FANCL: variants seen among roughly 807,000 people sequenced by gnomAD.
The protein encoded by FANCL is FA complementation group L.
Under a neutral mutation model 59.4 loss-of-function variants are expected in FANCL, and 69 were observed. The ratio of observed to expected loss-of-function variants is 1.16; its 90% confidence interval spans 0.96 to 1.42. The LOEUF is 1.42. FANCL is among the 40% of genes most tolerant of loss of function. The probability of loss-of-function intolerance (pLI) is 0.00; values close to 1 mark genes in which losing one functional copy is unlikely to be tolerated. For synonymous variants in FANCL, 180 were observed against 147.1 expected, an observed-to-expected ratio of 1.22 and a Z score of -1.62; for missense variants, 519 against 447.2, an observed-to-expected ratio of 1.16 and a Z score of -1.45.
At chr2:58,175,999 A>G (rs2104913532) in intron 7 of FANCL, among the ~76,000 whole-genome samples, 1 of 152,330 alleles carries the variant, frequency 6.6e-6, no homozygotes, top group South Asian at 2.1e-4. Flanking sequence ...ACAGACAAAC[A>G]GCCAAATCAT....
At chr2:58,173,840 G>C (rs1455862379) in intron 7 of FANCL, among the ~76,000 whole-genome samples, 1 of 152,002 alleles carries the variant, frequency 6.6e-6, no homozygotes, top group East Asian at 1.9e-4. Context: ...ACATAGACTG[G>C]CTAATTGGAT....
chr2:58,232,545 T>C (rs1693681850), intron 1 of FANCL, among the ~76,000 whole-genome samples: 1 of 152,096 alleles, frequency 6.6e-6, no homozygotes, highest in African/African-American at 2.4e-5. Flanking sequence ...ATAGTCGTTT[T>C]CAGCTTACTT....
rs368384315 is a variant in FANCL, at chr2:58,241,178, A to G, written c.96+40T>C. The G allele has an allele frequency of 6.9e-5, 111 of 1,602,486 alleles. 1 individual carries two copies. Among genetic ancestry groups the G allele is most frequent in the South Asian group, 4.0e-4 (36 of 90,798 alleles). On this transcript the variant is annotated intron_variant, in intron 1 of 13. Transcript: ENST00000233741. Reference sequence around the variant, plus strand: ...GACTTCTCCGCGCAGCTACGCTGCAAGAGGCTCTCTTAGCTAGAAAGCAAC... The same window carrying G: ...GACTTCTCCGCGCAGCTACGCTGCAGGAGGCTCTCTTAGCTAGAAAGCAAC...
chr2:58,180,860 G>T (rs368838149), intron 7 of FANCL, among the ~76,000 whole-genome samples: 1 of 151,700 alleles, frequency 6.6e-6, no homozygotes, highest in Non-Finnish European at 1.5e-5. Flanking sequence ...AAAAGAAATC[G>T]AAACTTTTCA....
chr2:58,188,916 A>G (rs2105024177), intron 7 of FANCL, among the ~76,000 whole-genome samples: 1 of 152,332 alleles, frequency 6.6e-6, no homozygotes, highest in Non-Finnish European at 1.5e-5. Flanking sequence ...ACATCCATCA[A>G]TACTTACCAA....
intron 5 of FANCL, among the ~76,000 whole-genome samples, chr2:58,221,144 C>T (rs1338338240): frequency 6.6e-6 from 1 of 151,090 alleles, no homozygotes; most frequent in African/African-American, 2.4e-5. Flanking sequence ...ACCCGGGAGG[C>T]GGAGCTTGCA....
intron 7 of FANCL, among the ~76,000 whole-genome samples, chr2:58,176,165 G>C (rs1054734030): frequency 1.3e-5 from 2 of 152,030 alleles, no homozygotes; most frequent in African/African-American, 2.4e-5. Flanking sequence ...CCATGCTCAT[G>C]GGTAGGAAGA....
In FANCL at chr2:58,159,270, A is replaced by ATTCT; in HGVS notation, c.*491_*494dup. 5.5e-6 allele frequency: 6 copies of ATTCT among 1,085,174 alleles called. No individual in the cohort carries two copies. Among genetic ancestry groups the ATTCT allele is most frequent in the Non-Finnish European group, 1.3e-6 (1 of 760,624 alleles). The allele number at this position is 1,085,174 out of a possible 1,614,324, so 67.2% of individuals were successfully genotyped here. A position where few individuals can be genotyped will look rare whatever the true frequency, so the allele number is the denominator to read the frequency against. Reference sequence around the variant, plus strand: ...GATCTTGTATAACATTTTATTTAGCATTCTTACACACTACACAAAATAAAT... The same window carrying ATTCT: ...GATCTTGTATAACATTTTATTTAGCATTCTTTCTTACACACTACACAAAATAAAT... On this transcript the variant is annotated 3_prime_UTR_variant, in exon 14 of 14. Transcript: ENST00000233741.
intron 7 of FANCL, among the ~76,000 whole-genome samples, chr2:58,177,434 T>A (rs1354368700): frequency 6.6e-6 from 1 of 151,980 alleles, no homozygotes; most frequent in Non-Finnish European, 1.5e-5. Flanking sequence ...ATATACACCA[T>A]GGAATACTAT....
At chr2:58,210,348 A>G (rs1164797982) in intron 5 of FANCL, among the ~76,000 whole-genome samples, 2 of 152,220 alleles carry the variant, frequency 1.3e-5, no homozygotes, top group Non-Finnish European at 2.9e-5. Context: ...ATGCAAAAGC[A>G]GAAACCCAAT....
intron 7 of FANCL, among the ~76,000 whole-genome samples, chr2:58,168,985 A>T (rs763483048): frequency 2.0e-5 from 3 of 152,152 alleles, no homozygotes; most frequent in Non-Finnish European, 4.4e-5. Context: ...TCTCCCTGGG[A>T]CAGAGCACGT....
intron 6 of FANCL, among the ~76,000 whole-genome samples, chr2:58,199,135 G>A (rs1442167745): frequency 6.6e-6 from 1 of 152,086 alleles, no homozygotes; most frequent in African/African-American, 2.4e-5. Context: ...ATAGTGATGT[G>A]AAGAGCTTAT....
chr2:58,241,128 G>C, intron 1 of FANCL, 90 bp downstream of exon 1: 1 of 1,377,918 alleles, frequency 7.3e-7, no homozygotes, highest in Non-Finnish European at 1.0e-6. Flanking sequence ...ACAAGTCTGG[G>C]CCCCTAACCT....
At chr2:58,203,644 A>C (rs760788528) in intron 6 of FANCL, among the ~76,000 whole-genome samples, 1 of 152,070 alleles carries the variant, frequency 6.6e-6, no homozygotes, top group Non-Finnish European at 1.5e-5. Context: ...CAAATTCTTA[A>C]AATACTTAAA....
intron 5 of FANCL, among the ~76,000 whole-genome samples, chr2:58,214,797 G>A (rs1558803205): frequency 6.6e-6 from 1 of 152,066 alleles, no homozygotes; most frequent in Non-Finnish European, 1.5e-5. Flanking sequence ...ACAGGTGTGA[G>A]CCACCACACC....
chr2:58,227,767 G>C (rs1693168715), intron 3 of FANCL, among the ~76,000 whole-genome samples: 1 of 152,176 alleles, frequency 6.6e-6, no homozygotes, highest in African/African-American at 2.4e-5. Flanking sequence ...ACCTAGGTCA[G>C]TGGGCACAGG....
At chr2:58,212,793 C>T (rs1691313136) in intron 5 of FANCL, among the ~76,000 whole-genome samples, 1 of 151,832 alleles carries the variant, frequency 6.6e-6, no homozygotes, top group Non-Finnish European at 1.5e-5. Flanking sequence ...TTCACGTTAA[C>T]CTTTGGGGAA....
intron 7 of FANCL, among the ~76,000 whole-genome samples, chr2:58,166,636 A>T (rs1232083174): frequency 6.6e-6 from 1 of 152,252 alleles, no homozygotes; most frequent in Non-Finnish European, 1.5e-5. Flanking sequence ...TTGATACAAA[A>T]TCAAAACAGT....
chr2:58,206,723 G>GT (rs2105168195), intron 5 of FANCL, among the ~76,000 whole-genome samples: 1 of 152,264 alleles, frequency 6.6e-6, no homozygotes, highest in Admixed American at 6.5e-5. Context: ...AATATGGCCT[G>GT]TAAGCCAAAA....
Sources: gnomAD v4.1 joint callset for allele counts (sites outside exome capture counted in the v4.1 genomes callset) on GRCh38, gnomAD v4.1.1 for gene constraint, MANE v1.5 for transcripts, NCBI Gene and HGNC (gene_info 2026-07-23, HGNC 2026-07-21) for gene names.